The following SPIRE2 variants were observed in gnomAD, a reference collection of about 807,000 sequenced individuals.
The protein encoded by SPIRE2 is protein spire homolog 2.
SPIRE2 carries 76 observed loss-of-function variants against 80.7 expected under a neutral mutation model. The ratio of observed to expected loss-of-function variants is 0.94; its 90% CI spans 0.78 to 1.14. SPIRE2 has a LOEUF of 1.14. Ranked by LOEUF, SPIRE2 falls within the 50% of genes most tolerant of loss-of-function variation. The probability of loss-of-function intolerance (pLI) is 0.00; values close to 1 mark genes in which losing one functional copy is unlikely to be tolerated. For synonymous variants in SPIRE2, 535 were observed against 432.6 expected (o/e 1.24, Z -2.94); for missense variants, 1,196 against 1,015.3 (o/e 1.18, Z -2.42).
chr16:89,839,187 A>G (rs2143786854), intron 1 of SPIRE2, among the ~76,000 whole-genome samples: 1 of 152,146 alleles, frequency 6.6e-6, no homozygotes, highest in South Asian at 2.1e-4. Context: ...AAATACAAAA[A>G]TTACTAAATA....
At chr16:89,869,053 A>AAAAAAAAAAT in intron 13 of SPIRE2, among the ~76,000 whole-genome samples, 1 of 24,030 alleles carries the variant, frequency 4.2e-5, no homozygotes, top group African/African-American at 1.6e-4. Context: ...AAAAAAAAAA[A>AAAAAAAAAAT]ATATATATAT....
intron 2 of SPIRE2, chr16:89,846,849 A>C (rs1282280199): frequency 1.0e-5 from 1 of 95,704 alleles, no homozygotes; most frequent in African/African-American, 4.3e-5. Flanking sequence ...CTTGTTGCCC[A>C]GGGGGAGTCC....
At chr16:89,864,427 G>C (rs879531423) in intron 12 of SPIRE2, among the ~76,000 whole-genome samples, 4 of 152,154 alleles carry the variant, frequency 2.6e-5, no homozygotes, top group Non-Finnish European at 5.9e-5. Flanking sequence ...CTATAGCCAC[G>C]GGCCAAATCT....
In SPIRE2 at chr16:89,832,104, C is replaced by T. The variant is rs139927066; in HGVS notation, c.244+3310C>T. On this transcript the variant is annotated intron_variant, in intron 1 of 14. Coordinates refer to ENST00000378247, the MANE Select transcript of SPIRE2 (RefSeq NM_032451.2). ...CCTCCTCAAGGCGGAGTGATGGCAGCGCGTGCCCGCGTGAGGCAAGAGAGG... is the reference window on the plus strand; with the variant it reads ...CCTCCTCAAGGCGGAGTGATGGCAGTGCGTGCCCGCGTGAGGCAAGAGAGG... Among the ~76,000 whole-genome samples the T allele has an allele frequency of 1.9e-3, 286 of 152,364 alleles. 3 individuals carry two copies. Among genetic ancestry groups the T allele is most frequent in the African/African-American group, 6.3e-3 (264 of 41,590 alleles).
rs561778602 is a variant in SPIRE2, at chr16:89,860,746, G to C, written c.1526G>C (p.Gly509Ala). 5.7e-6 allele frequency: 9 copies of C among 1,583,058 alleles called. No individual in the cohort carries two copies. The highest frequency in any genetic ancestry group is 6.9e-6 in the Non-Finnish European group (8 of 1,165,760). ...HPLLSNRGSS[G>A]DRPEASMTPD... ...CTACTCAGCAACCGGGGCTCCTCGG[G>C]GGACAGACCCGAGGCCTCCATGACC... The change falls in exon 10 of 15, where the codon GGG becomes GCG. Residue 509 changes from glycine (G) to alanine (A), a missense_variant. Gly to Ala is a moderately conservative substitution (Grantham distance 60). Coordinates refer to ENST00000378247, the MANE Select transcript of SPIRE2 (RefSeq NM_032451.2).
Position 89,854,619 on chromosome 16 carries a change from C to T in SPIRE2, c.859C>T (p.Arg287Trp), listed in dbSNP as rs142759329. The T allele has an allele frequency of 5.0e-6, 8 of 1,607,266 alleles. No homozygotes were observed. Among genetic ancestry groups the T allele is most frequent in the East Asian group, 2.2e-5 (1 of 44,510 alleles). The change falls in exon 5 of 15, where the codon CGG (arginine) becomes TGG (tryptophan). Residue 287 changes from arginine to tryptophan, a missense_variant. Coordinates refer to ENST00000378247, the MANE Select transcript of SPIRE2 (RefSeq NM_032451.2). ...TPFEMLMQDI[R>W]ARNYKLRKVM... ...CTTCGAGATGCTGATGCAGGACATC[C>T]GGGCCCGGAACTACAAGCTGCGCAA...
At chr16:89,841,108 C>T (rs2041501926) in intron 1 of SPIRE2, among the ~76,000 whole-genome samples, 1 of 151,408 alleles carries the variant, frequency 6.6e-6, no homozygotes, top group African/African-American at 2.4e-5. Context: ...CGCTTGAGCC[C>T]AGGAAGTCAT....
At chr16:89,850,137 G>T (rs1333290646) in intron 2 of SPIRE2, 167 bp from the exon 3 acceptor site, 3 of 730,904 alleles carry the variant, frequency 4.1e-6, no homozygotes, top group Non-Finnish European at 4.9e-6. Flanking sequence ...CGCCCGGCCG[G>T]GAACATCCTT....
chr16:89,841,406 C>CA (rs2143790992), intron 1 of SPIRE2, among the ~76,000 whole-genome samples: 1 of 152,216 alleles, frequency 6.6e-6, no homozygotes, highest in African/African-American at 2.4e-5. Context: ...TTTAGATAAG[C>CA]AAAAGGTGGT....
chr16:89,862,072 C>T (rs1056028875), intron 10 of SPIRE2: 2 of 150,856 alleles, frequency 1.3e-5, no homozygotes, highest in Admixed American at 6.6e-5. Context: ...GGCGCCATCT[C>T]GGCTCACTGC....
At position 89,870,573 on chromosome 16, in the gene SPIRE2, G is replaced by T. The variant is rs1341580393; in HGVS notation, c.*301G>T. ...GCAGAAGGTTCTAGATCCTGGCACAGACTGCATCCCATGTTCCCATGCTCT... is the reference window on the plus strand; with the variant it reads ...GCAGAAGGTTCTAGATCCTGGCACATACTGCATCCCATGTTCCCATGCTCT... On this transcript the variant is annotated 3_prime_UTR_variant, in exon 15 of 15. Coordinates refer to ENST00000378247, the MANE Select transcript of SPIRE2 (RefSeq NM_032451.2). 52 of 292,564 alleles carry T rather than the reference G, an allele frequency of 1.8e-4. 1 individual carries two copies. In the South Asian group the frequency reaches 2.5e-3, roughly 14 times the overall value. The allele number at this position is 292,564 out of a possible 1,614,324, so 18.1% of individuals were successfully genotyped here. A position where few individuals can be genotyped will look rare whatever the true frequency, so the allele number is the denominator to read the frequency against.
chr16:89,857,615 G>A (rs2041702799), intron 7 of SPIRE2, among the ~76,000 whole-genome samples: 1 of 150,184 alleles, frequency 6.7e-6, no homozygotes, highest in African/African-American at 2.5e-5. Context: ...TTTTTGCCCA[G>A]GCTGGAGTGC....
chr16:89,838,636 G>A (rs924768780), intron 1 of SPIRE2, among the ~76,000 whole-genome samples: 1 of 152,176 alleles, frequency 6.6e-6, no homozygotes, highest in African/African-American at 2.4e-5. Context: ...TGAATTCTAA[G>A]ACTGACTTGG....
chr16:89,856,265 G>C (rs1366018416), intron 7 of SPIRE2, 29 bp downstream of exon 7: 2 of 1,544,552 alleles, frequency 1.3e-6, no homozygotes, highest in East Asian at 2.4e-5. Flanking sequence ...GGAGAAGAGA[G>C]CCCTGAGCCC....
intron 1 of SPIRE2, among the ~76,000 whole-genome samples, chr16:89,833,285 G>A (rs1009554433): frequency 2.8e-5 from 4 of 143,606 alleles, no homozygotes; most frequent in Admixed American, 1.4e-4. Context: ...CACCGCACCC[G>A]GCCATCTTTT....
chr16:89,859,179 G>A lies in SPIRE2; in HGVS notation c.1287G>A (p.Pro429=), dbSNP rs1444529480. ...TGTGTCCACAGGAAGAAGAGTCTCC[G>A]TGTGGGGAGGTGACGCTGAAACGGG... The part of the protein sequence containing the change: ...EMNTSEEEES[P]CGEVTLKRDR... Residue 429 remains proline (P), a synonymous_variant, in exon 9 of 15, where the codon CCG becomes CCA. Coordinates refer to ENST00000378247, the MANE Select transcript of SPIRE2 (RefSeq NM_032451.2). 22 of 1,586,554 alleles carry A rather than the reference G, an allele frequency of 1.4e-5. 1 individual carries two copies. Among genetic ancestry groups the A allele is most frequent in the East Asian group, 4.7e-5 (2 of 42,782 alleles).
Position 89,870,295 on chromosome 16 carries a change from C to T in SPIRE2, c.*23C>T, listed in dbSNP as rs772567305. 1 of 1,510,638 alleles carries T rather than the reference C, an allele frequency of 6.6e-7. No individual in the cohort carries two copies. Among genetic ancestry groups the T allele is most frequent in the South Asian group, 1.2e-5 (1 of 84,778 alleles). The allele number at this position is 1,510,638 out of a possible 1,614,324, so 93.6% of individuals were successfully genotyped here. A position where few individuals can be genotyped will look rare whatever the true frequency, so the allele number is the denominator to read the frequency against. On this transcript the variant is annotated 3_prime_UTR_variant, in exon 15 of 15. Transcript: ENST00000378247. Reference sequence around the variant, plus strand: ...TGACAGCCCCAGGTGGCCAGGCCTCCAGGAGGCACCAGGCAGGCCCTGTAT... The same window carrying T: ...TGACAGCCCCAGGTGGCCAGGCCTCTAGGAGGCACCAGGCAGGCCCTGTAT...
chr16:89,832,024 G>T (rs1465836043), intron 1 of SPIRE2, among the ~76,000 whole-genome samples: 1 of 152,206 alleles, frequency 6.6e-6, no homozygotes, highest in African/African-American at 2.4e-5. Flanking sequence ...CCCTCCTCTG[G>T]TTCCCTCCAT....
intron 1 of SPIRE2, among the ~76,000 whole-genome samples, chr16:89,842,980 T>C (rs1598221017): frequency 6.6e-6 from 1 of 152,350 alleles, no homozygotes; most frequent in African/African-American, 2.4e-5. Context: ...AGTTAGCAGG[T>C]CCACTGAGCA....
Sources: allele counts gnomAD v4.1 joint callset (sites outside exome capture counted in the v4.1 genomes callset), GRCh38; gene constraint gnomAD v4.1.1; transcripts MANE v1.5; gene names NCBI Gene and HGNC (gene_info 2026-07-23, HGNC 2026-07-21).